Variants in BACE1 observed in about 807,000 individuals in gnomAD.
BACE1 encodes the protein APP beta-secretase.
In BACE1, 21 loss-of-function variants were observed where a neutral mutation model predicts 54.0. That is an observed-to-expected ratio of 0.39 (90% CI 0.28 to 0.56). The LOEUF (loss-of-function observed/expected upper bound fraction) is 0.56. BACE1 is among the 20% of genes least tolerant of loss of function. BACE1 has a pLI of 0.63. For missense variants in BACE1, 511 were observed against 661.2 expected, an observed-to-expected ratio of 0.77 and a Z score of 2.49; for synonymous variants, 232 against 260.9, an observed-to-expected ratio of 0.89 and a Z score of 1.07.
In BACE1 at chr11:117,289,223, AG is replaced by A; in HGVS notation, c.*342del. ...TGTGATGCCAGTACTTCTGAAACTA[AG>A]AAAAGAAGAATACTTTGGGTTGGAG... On this transcript the variant is annotated 3_prime_UTR_variant, in exon 9 of 9. Transcript: ENST00000313005. 2.6e-4 allele frequency: 67 copies of A among 258,678 alleles called. No individual in the cohort carries two copies. Among genetic ancestry groups the A allele is most frequent in the East Asian group, 5.4e-4 (7 of 13,048 alleles). 16.0% of individuals were successfully genotyped at this position (258,678 alleles called of 1,614,324 possible).
Position 117,295,360 on chromosome 11 carries a change from G to A in BACE1, c.351-13C>T. ...GTATGTGCTGGACCTGTGGAAAGAAGGCAGAGATCTGTGGATGCATAACCA... is the reference window on the plus strand; with the variant it reads ...GTATGTGCTGGACCTGTGGAAAGAAAGCAGAGATCTGTGGATGCATAACCA... On this transcript the variant is annotated splice_polypyrimidine_tract_variant and intron_variant, in intron 2 of 8. Transcript: ENST00000313005. 1 of 1,609,726 alleles carries A rather than the reference G, an allele frequency of 6.2e-7. No homozygotes were observed. Among genetic ancestry groups the A allele is most frequent in the Middle Eastern group, 1.7e-4 (1 of 6,046 alleles).
intron 2 of BACE1, among the ~76,000 whole-genome samples, chr11:117,295,851 A>C (rs1565360285): frequency 6.6e-6 from 1 of 152,234 alleles, no homozygotes; most frequent in Non-Finnish European, 1.5e-5. Context: ...TCAGAAAAGC[A>C]GGTTGGTATT....
At chr11:117,297,447 CTG>C (rs984781135) in intron 1 of BACE1, 11 of 155,142 alleles carry the variant, frequency 7.1e-5, no homozygotes, top group African/African-American at 2.4e-4. Context: ...GGACGAAACT[CTG>C]TCTCTACTAA....
In BACE1 at chr11:117,296,853, G is replaced by T; in HGVS notation, c.350+20C>A. 6.3e-7 allele frequency: 1 copy of T among 1,594,012 alleles called. No homozygotes were observed. The highest frequency in any genetic ancestry group is 8.6e-7 in the Non-Finnish European group (1 of 1,164,284). On this transcript the variant is annotated intron_variant, in intron 2 of 8. Transcript: ENST00000313005. ...GATCCTTGGAAAAGGTACTTCCCCCGGGCTCTCCCCAGGACTCACAGCTGC... is the reference window on the plus strand; with the variant it reads ...GATCCTTGGAAAAGGTACTTCCCCCTGGCTCTCCCCAGGACTCACAGCTGC...
At chr11:117,298,299 C>CAA (rs546773274) in intron 1 of BACE1, among the ~76,000 whole-genome samples, 1 of 140,578 alleles carries the variant, frequency 7.1e-6, no homozygotes. Context: ...CACTCCGTCT[C>CAA]AAAAAAAAAA....
At chr11:117,309,785 G>T (rs1160425936) in intron 1 of BACE1, among the ~76,000 whole-genome samples, 2 of 152,218 alleles carry the variant, frequency 1.3e-5, no homozygotes, top group Admixed American at 1.3e-4. Flanking sequence ...CAGTAGGCAA[G>T]TACTCAACAA....
rs377005648 is a variant in BACE1 at position 117,296,909 on chromosome 11, G to C, written c.314C>G (p.Pro105Arg). The change falls in exon 2 of 9, where the codon CCC becomes CGC. Residue 105 changes from proline (P) to arginine (R), a missense_variant. Around this residue, in one of 2 missense-constraint regions of BACE1, gnomAD observed 407 missense variants for 565.7 expected, o/e 0.72. Coordinates refer to ENST00000313005, the MANE Select transcript of BACE1 (RefSeq NM_012104.6). The stretch of plus-strand genomic sequence containing the variant: ...GTAGTAGCGATGCAGGAAGGGGTGG[G>C]GGGCAGCACCCACTGCAAAGTTACT... ...GSSNFAVGAA[P>R]HPFLHRYYQR... is the part of the protein sequence containing the mutation. The C allele has an allele frequency of 3.1e-6, 5 of 1,613,600 alleles. No homozygotes were observed. The highest frequency in any genetic ancestry group is 4.2e-6 in the Non-Finnish European group (5 of 1,179,844).
intron 1 of BACE1, chr11:117,297,279 A>C: frequency 3.5e-6 from 1 of 288,158 alleles, no homozygotes; most frequent in South Asian, 4.6e-5. Flanking sequence ...AGTCAAAGAG[A>C]TAGCCAGATG....
intron 1 of BACE1, among the ~76,000 whole-genome samples, chr11:117,311,140 G>A (rs539604509): frequency 6.6e-6 from 1 of 152,234 alleles, no homozygotes; most frequent in East Asian, 1.9e-4. Context: ...AGTATCACTT[G>A]AGCCCAGAAG....
At chr11:117,292,818 G>A in intron 5 of BACE1, 1 of 443,944 alleles carries the variant, frequency 2.3e-6, no homozygotes, top group South Asian at 3.1e-5. Context: ...GCAGTGACTA[G>A]AGTCCAGACA....
At chr11:117,303,635 T>C (rs986353794) in intron 1 of BACE1, among the ~76,000 whole-genome samples, 1 of 152,226 alleles carries the variant, frequency 6.6e-6, no homozygotes, top group Non-Finnish European at 1.5e-5. Context: ...GGAGACTCTT[T>C]CCAATTCTGA....
At position 117,295,634 on chromosome 11, in the gene BACE1, T is replaced by C. The variant is rs929496610; in HGVS notation, c.351-287A>G. The C allele has an allele frequency of 1.2e-5, 19 of 1,529,644 alleles. No individual in the cohort carries two copies. The African/African-American group carries it at 2.6e-4, about 21-fold the overall frequency. 94.8% of individuals were successfully genotyped at this position (1,529,644 alleles called of 1,614,324 possible). A position where few individuals can be genotyped will look rare whatever the true frequency, so the allele number is the denominator to read the frequency against. ...AAGAACAAGCCTGGGCTTTGTGCAT[T>C]GTGCCTGCTGCTGCTGCTGCTGCAG... On this transcript the variant is annotated intron_variant, in intron 2 of 8. Transcript: ENST00000313005.
At chr11:117,290,713 C>G (rs1370920953) in intron 7 of BACE1, 54 bp from the exon 8 acceptor site, 4 of 1,601,368 alleles carry the variant, frequency 2.5e-6, no homozygotes, top group African/African-American at 1.3e-5. Flanking sequence ...TTCACCCCAT[C>G]TCTGCCTTGT....
intron 1 of BACE1, among the ~76,000 whole-genome samples, chr11:117,310,613 G>T (rs2134493831): frequency 6.6e-6 from 1 of 152,144 alleles, no homozygotes; most frequent in Middle Eastern, 3.4e-3. Flanking sequence ...TAGAGACAGG[G>T]TTTCACCATA....
chr11:117,311,285 C>A (rs1020721179), intron 1 of BACE1, among the ~76,000 whole-genome samples: 1 of 151,934 alleles, frequency 6.6e-6, no homozygotes, highest in African/African-American at 2.4e-5. Context: ...ACGATTGTGC[C>A]CCTGTACTCC....
At chr11:117,294,208 G>T in intron 3 of BACE1, 200 bp from the exon 4 acceptor site, 2 of 404,394 alleles carry the variant, frequency 4.9e-6, no homozygotes, top group Non-Finnish European at 8.7e-6. Context: ...TAGGTTCACA[G>T]ATTCATAGAT....
intron 1 of BACE1, among the ~76,000 whole-genome samples, chr11:117,305,083 C>T (rs1452556634): frequency 1.3e-5 from 2 of 151,898 alleles, no homozygotes; most frequent in East Asian, 1.9e-4. Flanking sequence ...CCCGCCACTA[C>T]GCCCAGCTAA....
chr11:117,307,297 G>A (rs566968185), intron 1 of BACE1, among the ~76,000 whole-genome samples: 24 of 152,176 alleles, frequency 1.6e-4, no homozygotes, highest in African/African-American at 5.5e-4. Flanking sequence ...GCTTCCCTGG[G>A]AGGTGTTTCT....
At chr11:117,289,860 AC>A (rs1186359988) in intron 8 of BACE1, 53 bp from the exon 9 acceptor site, 74 of 1,522,358 alleles carry the variant, frequency 4.9e-5, no homozygotes, top group Non-Finnish European at 6.0e-5. Flanking sequence ...AGAGGAGTTA[AC>A]AAAAAGAACT....
Sources: allele counts gnomAD v4.1 joint callset (sites outside exome capture counted in the v4.1 genomes callset), GRCh38; gene constraint gnomAD v4.1.1; regional missense constraint gnomAD v4.1.1; transcripts MANE v1.5; gene names NCBI Gene and HGNC (gene_info 2026-07-23, HGNC 2026-07-21).